ADGRB3: variants seen among roughly 807,000 people sequenced by gnomAD.
ADGRB3 encodes the protein adhesion G protein-coupled receptor B3, also known as brain-specific angiogenesis inhibitor 3.
Under a neutral mutation model 193.4 loss-of-function variants are expected in ADGRB3, and 37 were observed. The observed-to-expected ratio is 0.19, with a 90% CI of 0.15 to 0.25. ADGRB3 has a LOEUF of 0.25. Ranked by LOEUF, ADGRB3 falls within the 10% of genes least tolerant of loss-of-function variation. The pLI, the probability that ADGRB3 is intolerant of heterozygous loss-of-function variation, is 1.00. For synonymous variants in ADGRB3, 690 were observed against 644.2 expected, an observed-to-expected ratio of 1.07 and a Z score of -1.08; for missense variants, 1,637 against 1,852.9, an observed-to-expected ratio of 0.88 and a Z score of 2.14.
At chr6:68,927,720 T>G (rs764138810) in intron 3 of ADGRB3, among the ~76,000 whole-genome samples, 6 of 152,150 alleles carry the variant, frequency 3.9e-5, no homozygotes, top group Non-Finnish European at 7.4e-5. Context: ...ATGTGGAATA[T>G]TCAAAAAAAT....
At chr6:69,091,461 A>G (rs1772705914) in intron 17 of ADGRB3, among the ~76,000 whole-genome samples, 1 of 152,184 alleles carries the variant, frequency 6.6e-6, no homozygotes. Context: ...ATGCAGCCAT[A>G]AAAAAGAATG....
At chr6:68,698,160 T>C (rs1765187356) in intron 3 of ADGRB3, among the ~76,000 whole-genome samples, 1 of 151,906 alleles carries the variant, frequency 6.6e-6, no homozygotes, top group Non-Finnish European at 1.5e-5. Context: ...ATTTCAAATT[T>C]AAAACTAACC....
intron 17 of ADGRB3, among the ~76,000 whole-genome samples, chr6:69,218,121 GCAAAAAAAGA>G (rs1411890727): frequency 6.7e-6 from 1 of 148,292 alleles, no homozygotes; most frequent in African/African-American, 2.5e-5. Flanking sequence ...GCCTTACATT[GCAAAAAAAGA>G]CAAAAAAAGA....
intron 6 of ADGRB3, 102 bp downstream of exon 6, chr6:68,944,096 T>C (rs910646654): frequency 3.0e-5 from 38 of 1,267,896 alleles, no homozygotes; most frequent in Non-Finnish European, 1.6e-5. Flanking sequence ...TTCAGTCACG[T>C]TGGGAAATGT....
intron 14 of ADGRB3, 129 bp from the exon 15 acceptor site, chr6:69,049,142 T>C (rs192132990): frequency 8.5e-4 from 556 of 656,608 alleles, no homozygotes; most frequent in Middle Eastern, 3.8e-3. Flanking sequence ...TAGGAATGCA[T>C]TTCTTTTTAC....
At chr6:69,065,622 T>C (rs1471144313) in intron 16 of ADGRB3, among the ~76,000 whole-genome samples, 6 of 152,094 alleles carry the variant, frequency 3.9e-5, no homozygotes, top group Non-Finnish European at 8.8e-5. Flanking sequence ...TTCTATGTAC[T>C]GAGATTAGTT....
chr6:68,966,651 C>G (rs181310333), intron 8 of ADGRB3, among the ~76,000 whole-genome samples: 1 of 152,294 alleles, frequency 6.6e-6, no homozygotes, highest in African/African-American at 2.4e-5. Context: ...CTAAGGTACT[C>G]CCAGAGCAGC....
intron 3 of ADGRB3, among the ~76,000 whole-genome samples, chr6:68,665,658 G>A (rs541726506): frequency 1.3e-5 from 2 of 151,714 alleles, no homozygotes; most frequent in East Asian, 3.9e-4. Context: ...ATTGCTAATT[G>A]GGGCTTCATT....
intron 3 of ADGRB3, among the ~76,000 whole-genome samples, chr6:68,768,450 C>G (rs1296779120): frequency 6.6e-6 from 1 of 152,112 alleles, no homozygotes; most frequent in African/African-American, 2.4e-5. Context: ...AAAGGAATCC[C>G]TACTTAATAA....
chr6:69,136,221 A>C (rs1326454871), intron 17 of ADGRB3, among the ~76,000 whole-genome samples: 2 of 152,090 alleles, frequency 1.3e-5, no homozygotes, highest in Non-Finnish European at 2.9e-5. Context: ...AGCCATAAAA[A>C]AATTTAGAAC....
intron 4 of ADGRB3, among the ~76,000 whole-genome samples, chr6:68,934,800 G>A (rs1767439676): frequency 6.6e-6 from 1 of 152,032 alleles, no homozygotes; most frequent in Non-Finnish European, 1.5e-5. Flanking sequence ...ATTCTTTAAT[G>A]TAAAAGAACA....
intron 17 of ADGRB3, among the ~76,000 whole-genome samples, chr6:69,190,390 A>AAAAT (rs949888598): frequency 6.6e-6 from 1 of 151,996 alleles, no homozygotes; most frequent in East Asian, 1.9e-4. Context: ...CAAAAATTTA[A>AAAAT]AAATAAATAA....
In ADGRB3 at chr6:69,017,690, ATGGACAGTTAGG is replaced by A. The variant is rs1770136268; in HGVS notation, c.1999-699_1999-688del. Among the ~76,000 whole-genome samples the A allele has an allele frequency of 2.6e-5, 4 of 151,988 alleles. 1 individual carries two copies. The South Asian group carries it at 8.3e-4, about 32-fold the overall frequency. ...GATGGATAGATGGATAGATGCATAG[ATGGACAGTTAGG>A]TAGATACTGCTTAGCCACTATTAAA... On this transcript the variant is annotated intron_variant, in intron 12 of 31. Transcript: ENST00000370598.
chr6:68,792,989 G>GT (rs1767139302), intron 3 of ADGRB3, among the ~76,000 whole-genome samples: 2 of 151,838 alleles, frequency 1.3e-5, no homozygotes, highest in African/African-American at 4.8e-5. Context: ...TTGTTTGTCT[G>GT]TTTTTTCGGC....
At chr6:69,139,780 G>A (rs2150337319) in intron 17 of ADGRB3, among the ~76,000 whole-genome samples, 1 of 152,290 alleles carries the variant, frequency 6.6e-6, no homozygotes, top group South Asian at 2.1e-4. Context: ...ACACAGATCT[G>A]TCTGTTGTCT....
At chr6:68,861,651 A>G (rs1765159541) in intron 3 of ADGRB3, among the ~76,000 whole-genome samples, 1 of 152,230 alleles carries the variant, frequency 6.6e-6, no homozygotes, top group South Asian at 2.1e-4. Context: ...TATTTTCAAG[A>G]GACCATAGCA....
rs766806365 is a variant in ADGRB3 at position 69,382,901 on chromosome 6, A to G, written c.4346A>G (p.Asp1449Gly). Residue 1449 changes from aspartate to glycine, a missense_variant, in exon 31 of 32, where the codon GAC (aspartate) becomes GGC (glycine). Physicochemically the swap from Asp to Gly is moderately conservative, Grantham distance 94. This residue lies in a region of ADGRB3 where 368 missense variants were observed against 367.4 expected (regional missense o/e 1.00). Coordinates refer to ENST00000370598, the MANE Select transcript of ADGRB3 (RefSeq NM_001704.3). Reference sequence around the variant, plus strand: ...CTAAATCAGAAATTTCAAACTTTGGACAGATTTCGGGATATACCAAATACA... The same window carrying G: ...CTAAATCAGAAATTTCAAACTTTGGGCAGATTTCGGGATATACCAAATACA... ...QELNQKFQTL[D>G]RFRDIPNTSS... 6.8e-6 allele frequency: 11 copies of G among 1,609,426 alleles called. No individual in the cohort carries two copies. The highest frequency in any genetic ancestry group is 9.3e-6 in the Non-Finnish European group (11 of 1,177,332).
intron 17 of ADGRB3, among the ~76,000 whole-genome samples, chr6:69,130,185 G>A (rs191032140): frequency 6.6e-6 from 1 of 152,076 alleles, no homozygotes; most frequent in East Asian, 1.9e-4. Flanking sequence ...AAGGAAGAAT[G>A]AGCTCATTTG....
chr6:68,836,681 T>C lies in ADGRB3; in HGVS notation c.758-93878T>C, dbSNP rs537935998. Among the ~76,000 whole-genome samples, 5 of 152,246 alleles carry C rather than the reference T, an allele frequency of 3.3e-5. No homozygotes were observed. The South Asian group carries it at 1.0e-3, about 32-fold the overall frequency. On this transcript the variant is annotated intron_variant, in intron 3 of 31. Transcript: ENST00000370598. ...CACATAATTTCTTATCTCCCTGCCATATATCTTACTTAGAAGTGAAACGTT... is the reference window on the plus strand; with the variant it reads ...CACATAATTTCTTATCTCCCTGCCACATATCTTACTTAGAAGTGAAACGTT...
Sources: gnomAD v4.1 joint callset for allele counts (sites outside exome capture counted in the v4.1 genomes callset) on GRCh38, gnomAD v4.1.1 for gene constraint, gnomAD v4.1.1 regional missense constraint, MANE v1.5 for transcripts, NCBI Gene and HGNC (gene_info 2026-07-23, HGNC 2026-07-21) for gene names.